The following ARSG variants were observed in gnomAD, a reference collection of about 807,000 sequenced individuals.
The protein encoded by ARSG is ASG.
In ARSG, 37 loss-of-function variants were observed where a neutral mutation model predicts 50.5. The ratio of observed to expected loss-of-function variants is 0.73; its 90% CI spans 0.56 to 0.96. The LOEUF (loss-of-function observed/expected upper bound fraction) is 0.96. Among genes scored for constraint, ARSG ranks in the 50% least tolerant of loss-of-function variants. The probability of loss-of-function intolerance (pLI) is 0.00; values close to 1 mark genes in which losing one functional copy is unlikely to be tolerated. For missense variants in ARSG, 629 were observed against 675.3 expected (o/e 0.93, Z 0.76); for synonymous variants, 225 against 254.6 (o/e 0.88, Z 1.11).
intron 2 of ARSG, among the ~76,000 whole-genome samples, chr17:68,335,189 A>C (rs1272874302): frequency 1.3e-5 from 2 of 151,884 alleles, no homozygotes; most frequent in African/African-American, 4.8e-5. Flanking sequence ...TAGAGACGGG[A>C]GTCTCCCTAT....
intron 9 of ARSG, among the ~76,000 whole-genome samples, chr17:68,389,944 C>T (rs993983203): frequency 2.6e-5 from 4 of 151,946 alleles, no homozygotes; most frequent in African/African-American, 9.7e-5. Flanking sequence ...TACCCCCCAC[C>T]TGCACACCTT....
At chr17:68,372,877 A>ATTTTTTTTTTT (rs55668215) in intron 8 of ARSG, among the ~76,000 whole-genome samples, 1 of 93,164 alleles carries the variant, frequency 1.1e-5, no homozygotes, top group African/African-American at 4.1e-5. Context: ...GGAAATGCTG[A>ATTTTTTTTTTT]TTTTTTTTTT....
intron 9 of ARSG, among the ~76,000 whole-genome samples, chr17:68,387,110 CACACACACAT>C (rs1323563426): frequency 4.7e-5 from 7 of 149,286 alleles, no homozygotes; most frequent in African/African-American, 1.5e-4. Context: ...CACACACACA[CACACACACAT>C]ACCTTTTATT....
intron 2 of ARSG, 134 bp from the exon 3 acceptor site, chr17:68,343,470 C>T: frequency 3.2e-6 from 3 of 929,080 alleles, no homozygotes; most frequent in Non-Finnish European, 3.1e-6. Context: ...AATCCCATTT[C>T]CTGACTTGTT....
chr17:68,394,957 C>G, intron 9 of ARSG, 116 bp from the exon 10 acceptor site: 1 of 1,451,530 alleles, frequency 6.9e-7, no homozygotes, highest in Non-Finnish European at 9.4e-7. Flanking sequence ...GTTAAGCCAG[C>G]CCATAGGAGA....
At chr17:68,421,966 A>G, downstream of ARSG, 1 of 905,674 alleles carries the variant, frequency 1.1e-6, no homozygotes, top group Non-Finnish European at 1.8e-6. Context: ...GCTCATGGCC[A>G]CAGAATGGTC....
rs200869419 is a variant in ARSG at position 68,343,683 on chromosome 17, A to G, written c.298A>G (p.Asn100Asp). 1.2e-6 allele frequency: 2 copies of G among 1,614,054 alleles called. No homozygotes were observed. Among genetic ancestry groups the G allele is most frequent in the Admixed American group, 1.7e-5 (1 of 60,006 alleles). ...SLLTGRLGLR[N>D]GVTRNFAVTS... ...GCTCACCGGCCGGCTTGGCCTTCGC[A>G]ATGGAGTCACACGCAACTTTGCAGT... The change falls in exon 3 of 12, where the codon AAT (asparagine) becomes GAT (aspartate). Residue 100 changes from asparagine to aspartate, a missense_variant. Asn to Asp is a conservative substitution (Grantham distance 23, BLOSUM62 1). Coordinates refer to ENST00000621439, the MANE Select transcript of ARSG (RefSeq NM_001267727.2).
At chr17:68,317,669 A>G (rs938610525) in intron 2 of ARSG, among the ~76,000 whole-genome samples, 3 of 152,156 alleles carry the variant, frequency 2.0e-5, no homozygotes, top group African/African-American at 4.8e-5. Context: ...CATTTTGCCA[A>G]TGTCCTTTGT....
downstream of ARSG, chr17:68,426,254 G>GGGCCCCCCCCCCCCCC: frequency 2.4e-6 from 2 of 816,872 alleles, no homozygotes; most frequent in East Asian, 3.5e-5. Context: ...GGGAGCGGGG[G>GGGCCCCCCCCCCCCCC]CTCAAATAAA....
At chr17:68,407,046 A>G (rs1357053242) in intron 11 of ARSG, among the ~76,000 whole-genome samples, 1 of 152,184 alleles carries the variant, frequency 6.6e-6, no homozygotes, top group Non-Finnish European at 1.5e-5. Context: ...TGATTTTTGT[A>G]TAAGGTGAGA....
intron 2 of ARSG, among the ~76,000 whole-genome samples, chr17:68,331,194 T>C (rs1247072387): frequency 1.9e-4 from 7 of 36,358 alleles, no homozygotes; most frequent in African/African-American, 9.1e-4. Context: ...TCTTTCTTTC[T>C]TTCTTTCTTT....
At chr17:68,385,453 A>G (rs529821208) in intron 9 of ARSG, among the ~76,000 whole-genome samples, 1 of 149,674 alleles carries the variant, frequency 6.7e-6, no homozygotes, top group South Asian at 2.2e-4. Context: ...TGCTGAGGTC[A>G]GGAGTTTGAG....
At chr17:68,313,107 A>G (rs2076929779) in intron 2 of ARSG, among the ~76,000 whole-genome samples, 1 of 151,936 alleles carries the variant, frequency 6.6e-6, no homozygotes, top group South Asian at 2.1e-4. Flanking sequence ...TAAAAATACA[A>G]AAAATTAGCC....
At chr17:68,333,199 G>A (rs1353449767) in intron 2 of ARSG, among the ~76,000 whole-genome samples, 2 of 152,208 alleles carry the variant, frequency 1.3e-5, no homozygotes, top group African/African-American at 4.8e-5. Flanking sequence ...GCAGACACCT[G>A]TAGTCCCAGC....
intron 1 of ARSG, among the ~76,000 whole-genome samples, chr17:68,298,594 C>CAAA (rs562725952): frequency 1.3e-3 from 83 of 63,850 alleles, no homozygotes; most frequent in East Asian, 2.8e-3. Flanking sequence ...GATCCTGTCT[C>CAAA]AAAAAAAAAA....
chr17:68,390,673 G>A (rs2080948718), intron 9 of ARSG, among the ~76,000 whole-genome samples: 1 of 152,002 alleles, frequency 6.6e-6, no homozygotes, highest in African/African-American at 2.4e-5. Context: ...ACTCAGGCTG[G>A]AGTGCAATGG....
chr17:68,302,329 T>C (rs73998077), intron 1 of ARSG, among the ~76,000 whole-genome samples: 1 of 152,088 alleles, frequency 6.6e-6, no homozygotes, highest in African/African-American at 2.4e-5. Flanking sequence ...CCTCGGCTCA[T>C]CAGATGCTTT....
chr17:68,308,868 GGCGCTGCAGGT>G (rs1435245608), intron 2 of ARSG, among the ~76,000 whole-genome samples: 2 of 151,910 alleles, frequency 1.3e-5, no homozygotes, highest in Admixed American at 6.6e-5. Context: ...ATCCCGCACC[GGCGCTGCAGGT>G]GGAGCTGCCT....
At chr17:68,432,334 A>C in the ARSG span, among the ~76,000 whole-genome samples, 2 of 152,198 alleles carry the variant, frequency 1.3e-5, no homozygotes, top group Non-Finnish European at 2.9e-5. Context: ...GCCTTTAAAA[A>C]TAGCTTTCTC....
Sources: allele counts gnomAD v4.1 joint callset (sites outside exome capture counted in the v4.1 genomes callset), GRCh38; gene constraint gnomAD v4.1.1; transcripts MANE v1.5; gene names NCBI Gene and HGNC (gene_info 2026-07-23, HGNC 2026-07-21).